Variants in SYNGR3 observed in about 807,000 individuals in gnomAD.
SYNGR3 encodes synaptogyrin-3.
A neutral mutation model predicts 18.5 loss-of-function variants in SYNGR3; 10 were observed. That is an observed-to-expected ratio of 0.54 (90% CI 0.33 to 0.92). The LOEUF is 0.92. Among genes scored for constraint, SYNGR3 ranks in the 40% least tolerant of loss-of-function variants. SYNGR3 has a pLI of 0.02. For missense variants in SYNGR3, 335 were observed against 332.8 expected (o/e 1.01, Z -0.05); for synonymous variants, 188 against 157.2 (o/e 1.20, Z -1.47).
rs1013914480 is a variant in SYNGR3 at position 1,993,214 on chromosome 16, G to T, written c.*142G>T. ...TTTGCGCCATCCGGGGCCAAGAGGG[G>T]GTGGACCCGCGTGTCTGGGCTGCCC... On this transcript the variant is annotated 3_prime_UTR_variant, in exon 4 of 4. Transcript: ENST00000248121. The T allele has an allele frequency of 1.0e-5, 11 of 1,086,282 alleles. No individual in the cohort carries two copies. Among genetic ancestry groups the T allele is most frequent in the Middle Eastern group, 2.2e-4 (1 of 4,650 alleles). The allele number at this position is 1,086,282 out of a possible 1,614,324, so 67.3% of individuals were successfully genotyped here.
Position 1,993,052 on chromosome 16 carries a change from T to C in SYNGR3, c.670T>C (p.Tyr224His). 1.2e-6 allele frequency: 2 copies of C among 1,609,448 alleles called. No homozygotes were observed. The highest frequency in any genetic ancestry group is 1.7e-6 in the Non-Finnish European group (2 of 1,179,178). ...GACCCTGGACACCAGCCCCAAAGGG[T>C]ACCAGGTGCCCGCCTACTAGCGGCT... ...TETLDTSPKG[Y>H]QVPAY Residue 224 changes from tyrosine (Y) to histidine (H), a missense_variant, in exon 4 of 4, where the codon TAC (tyrosine) becomes CAC (histidine). Tyr to His is a moderately conservative substitution (Grantham distance 83). Transcript: ENST00000248121.
rs1327152466 is a variant in SYNGR3, at chr16:1,992,749, G to A, written c.451G>A (p.Ala151Thr). The A allele has an allele frequency of 1.0e-5, 16 of 1,579,000 alleles. No individual in the cohort carries two copies. Among genetic ancestry groups the A allele is most frequent in the Admixed American group, 3.6e-5 (2 of 55,300 alleles). Residue 151 changes from alanine to threonine, a missense_variant, in exon 3 of 4, where the codon GCC (alanine) becomes ACC (threonine). Ala to Thr is a moderately conservative substitution (Grantham distance 58). Transcript: ENST00000248121. ...QAGDAARAAIAFSFFSILSWV... is the reference protein window; with the variant it reads ...QAGDAARAAITFSFFSILSWV... ...GGGGGACGCGGCGCGGGCCGCCATC[G>A]CCTTCAGCTTCTTCTCCATCCTCAG...
chr16:1,990,222 C>T, intron 1 of SYNGR3, 21 bp downstream of exon 1: 2 of 1,229,216 alleles, frequency 1.6e-6, no homozygotes, highest in Admixed American at 4.2e-5. Flanking sequence ...CCTGCCCGGG[C>T]CCCCGCTCCC....
At position 1,990,108 on chromosome 16, in the gene SYNGR3, G is replaced by A. The variant is rs1182357299; in HGVS notation, c.6G>A (p.Glu2=). 1.6e-6 allele frequency: 2 copies of A among 1,212,254 alleles called. No individual in the cohort carries two copies. The highest frequency in any genetic ancestry group is 2.1e-6 in the Non-Finnish European group (2 of 974,788). The allele number at this position is 1,212,254 out of a possible 1,614,324, so 75.1% of individuals were successfully genotyped here. Residue 2 remains glutamate (E), a synonymous_variant, in exon 1 of 4, where the codon GAG becomes GAA. Coordinates refer to ENST00000248121, the MANE Select transcript of SYNGR3 (RefSeq NM_004209.6). M[E]GASFGAGRAG... is the part of the protein sequence containing the mutation. ...GCGTCCCGCCCGGGCCGGCCATGGA[G>A]GGCGCCTCCTTCGGCGCGGGCCGCG...
intron 1 of SYNGR3, 85 bp from the exon 2 acceptor site, chr16:1,991,889 G>T: frequency 8.2e-7 from 1 of 1,215,352 alleles, no homozygotes; most frequent in Non-Finnish European, 1.1e-6. Flanking sequence ...TGGGAACGCA[G>T]GGACAGGCCC....
rs1597067865 is a variant in SYNGR3 at position 1,993,312 on chromosome 16, G to C, written c.*240G>C. On this transcript the variant is annotated 3_prime_UTR_variant, in exon 4 of 4. Coordinates refer to ENST00000248121, the MANE Select transcript of SYNGR3 (RefSeq NM_004209.6). ...CCTGAGAAGGGGATAGCACTGCCCA[G>C]GACGTGTGTCCCTAGCCTGGAATGG... 1 of 639,584 alleles carries C rather than the reference G, an allele frequency of 1.6e-6. No individual in the cohort carries two copies. Among genetic ancestry groups the C allele is most frequent in the Non-Finnish European group, 2.8e-6 (1 of 353,706 alleles). 39.6% of individuals were successfully genotyped at this position (639,584 alleles called of 1,614,324 possible).
intron 1 of SYNGR3, among the ~76,000 whole-genome samples, chr16:1,990,859 A>G (rs2083599924): frequency 6.6e-6 from 1 of 152,234 alleles, no homozygotes; most frequent in African/African-American, 2.4e-5. Flanking sequence ...CCTCTGGGCC[A>G]GCCGCACCTC....
intron 3 of SYNGR3, 30 bp from the exon 4 acceptor site, chr16:1,992,833 G>T (rs1000976998): frequency 4.0e-6 from 6 of 1,518,256 alleles, no homozygotes; most frequent in South Asian, 3.9e-5. Context: ...GGCTGATCCC[G>T]GCTGACCCCG....
rs1320373761 is a variant in SYNGR3, at chr16:1,993,596, G to C, written c.*524G>C. 10 of 457,242 alleles carry C rather than the reference G, an allele frequency of 2.2e-5. No homozygotes were observed. The highest frequency in any genetic ancestry group is 7.7e-5 in the South Asian group (5 of 64,578). The allele number at this position is 457,242 out of a possible 1,614,324, so 28.3% of individuals were successfully genotyped here. A position where few individuals can be genotyped will look rare whatever the true frequency, so the allele number is the denominator to read the frequency against. On this transcript the variant is annotated 3_prime_UTR_variant, in exon 4 of 4. Transcript: ENST00000248121. ...CTCCACTTTCTCTCACAGGCTGCTAGAACAGCCCAGCCCTGTCAGTGTTGT... is the reference window on the plus strand; with the variant it reads ...CTCCACTTTCTCTCACAGGCTGCTACAACAGCCCAGCCCTGTCAGTGTTGT...
rs1344935720 is a variant in SYNGR3, at chr16:1,992,993, G to A, written c.611G>A (p.Gly204Asp). ...TATCCGGTGGGCAGCGGCGTGGAGG[G>A]CACCGAGACCTACCAGAGCCCGCCC... ...PGYPVGSGVE[G>D]TETYQSPPFT... Residue 204 changes from glycine to aspartate, a missense_variant, in exon 4 of 4, where the codon GGC becomes GAC. Gly to Asp is a moderately conservative substitution (Grantham distance 94). Transcript: ENST00000248121. 6.2e-7 allele frequency: 1 copy of A among 1,611,558 alleles called. No individual in the cohort carries two copies. Among genetic ancestry groups the A allele is most frequent in the Middle Eastern group, 1.7e-4 (1 of 6,052 alleles).
Position 1,992,201 on chromosome 16 carries a change from G to T in SYNGR3, c.327G>T (p.Leu109=), listed in dbSNP as rs1197886745. Residue 109 remains leucine (L), a synonymous_variant, in exon 2 of 4, where the codon CTG becomes CTT. Coordinates refer to ENST00000248121, the MANE Select transcript of SYNGR3 (RefSeq NM_004209.6). ...GCCGGCGCGCGGTGTTGCTGGACCT[G>T]GGCTTCTCAGGTGGGCGGGGCCGGG... ...RDRRRAVLLD[L]GFSGLWSFLW... 3 of 1,397,102 alleles carry T rather than the reference G, an allele frequency of 2.1e-6. No individual in the cohort carries two copies. In the African/African-American group the frequency reaches 4.6e-5, roughly 21 times the overall value. The allele number at this position is 1,397,102 out of a possible 1,614,324, so 86.5% of individuals were successfully genotyped here.
In SYNGR3 at chr16:1,991,979, C is replaced by A; in HGVS notation, c.105C>A (p.Phe35Leu). ...QTLLRVASWV[F>L]SIAVFGPIVN... ...GAGCGCCGCGCCGCACGCAGGTGTT[C>A]TCCATCGCCGTCTTCGGGCCCATCG... Residue 35 changes from phenylalanine (F) to leucine (L), a missense_variant, in exon 2 of 4, where the codon TTC becomes TTA. Physicochemically the swap from Phe to Leu is conservative, Grantham distance 22. Coordinates refer to ENST00000248121, the MANE Select transcript of SYNGR3 (RefSeq NM_004209.6). 6.3e-7 allele frequency: 1 copy of A among 1,595,200 alleles called. No homozygotes were observed. The highest frequency in any genetic ancestry group is 1.7e-5 in the Admixed American group (1 of 58,628).
intron 1 of SYNGR3, chr16:1,991,670 C>T (rs2083604491): frequency 1.0e-5 from 4 of 389,582 alleles, no homozygotes; most frequent in Middle Eastern, 6.7e-4. Context: ...GTCCCAATGT[C>T]CCCCGCATTT....
intron 1 of SYNGR3, chr16:1,990,512 T>G: frequency 3.9e-6 from 2 of 508,064 alleles, no homozygotes; most frequent in Non-Finnish European, 7.6e-6. Context: ...TTACTCCGTT[T>G]TTCCTGTTCT....
rs2083614790 is a variant in SYNGR3, at chr16:1,993,243, C to T, written c.*171C>T. ...GACCCGCGTGTCTGGGCTGCCCCTGCCAAGTTCCCCCAGTCCCTCAGCACC... is the reference window on the plus strand; with the variant it reads ...GACCCGCGTGTCTGGGCTGCCCCTGTCAAGTTCCCCCAGTCCCTCAGCACC... On this transcript the variant is annotated 3_prime_UTR_variant, in exon 4 of 4. Coordinates refer to ENST00000248121, the MANE Select transcript of SYNGR3 (RefSeq NM_004209.6). 1.3e-5 allele frequency: 10 copies of T among 770,466 alleles called. No homozygotes were observed. In the East Asian group the frequency reaches 2.7e-4, roughly 21 times the overall value. The allele number at this position is 770,466 out of a possible 1,614,324, so 47.7% of individuals were successfully genotyped here. A position where few individuals can be genotyped will look rare whatever the true frequency, so the allele number is the denominator to read the frequency against.
intron 1 of SYNGR3, 105 bp from the exon 2 acceptor site, chr16:1,991,869 G>C: frequency 1.0e-6 from 1 of 989,702 alleles, no homozygotes; most frequent in Non-Finnish European, 1.4e-6. Context: ...CCCCCACCCA[G>C]ATACGGGCCT....
chr16:1,991,825 C>A (rs1453227732), intron 1 of SYNGR3, 149 bp from the exon 2 acceptor site: 14 of 635,402 alleles, frequency 2.2e-5, no homozygotes, highest in Non-Finnish European at 3.4e-5. Context: ...TTACTAAATA[C>A]GCGAGGGTTC....
At position 1,993,431 on chromosome 16, in the gene SYNGR3, C is replaced by T. The variant is rs1016536806; in HGVS notation, c.*359C>T. ...CCTCTACGATCAGGTGCAGGGGCTG[C>T]CCAGGACAAAGCGGGGGCAGGGGAA... On this transcript the variant is annotated 3_prime_UTR_variant, in exon 4 of 4. Coordinates refer to ENST00000248121, the MANE Select transcript of SYNGR3 (RefSeq NM_004209.6). 10 of 533,902 alleles carry T rather than the reference C, an allele frequency of 1.9e-5. No individual in the cohort carries two copies. Among genetic ancestry groups the T allele is most frequent in the Non-Finnish European group, 2.9e-5 (8 of 277,184 alleles). 33.1% of individuals were successfully genotyped at this position (533,902 alleles called of 1,614,324 possible).
chr16:1,992,249 C>T (rs566031022), intron 2 of SYNGR3, 38 bp downstream of exon 2: 25 of 28,428 alleles, frequency 8.8e-4, no homozygotes, highest in Non-Finnish European at 1.4e-3. Flanking sequence ...GAGAGCCTTC[C>T]GGGTGGGCGG....
Sources: allele counts gnomAD v4.1 joint callset (sites outside exome capture counted in the v4.1 genomes callset), GRCh38; gene constraint gnomAD v4.1.1; transcripts MANE v1.5; gene names NCBI Gene and HGNC (gene_info 2026-07-23, HGNC 2026-07-21).